OTUD7A: variants seen among roughly 807,000 people sequenced by gnomAD.
The protein encoded by OTUD7A is OTU domain-containing protein 7A.
A neutral mutation model predicts 65.7 loss-of-function variants in OTUD7A; 12 were observed. That is an observed-to-expected ratio of 0.18 (90% CI 0.12 to 0.30). The LOEUF (loss-of-function observed/expected upper bound fraction) is 0.30, where lower values mean the gene tolerates loss of function less well. OTUD7A is among the 10% of genes least tolerant of loss of function. The probability of loss-of-function intolerance (pLI) is 1.00; values close to 1 mark genes in which losing one functional copy is unlikely to be tolerated. For missense variants in OTUD7A, 1,148 were observed against 1,304.8 expected (o/e 0.88, Z 1.85); for synonymous variants, 641 against 586.3 (o/e 1.09, Z -1.35).
At chr15:31,798,139 C>T (rs941286264) in intron 1 of OTUD7A, among the ~76,000 whole-genome samples, 17 of 152,028 alleles carry the variant, frequency 1.1e-4, no homozygotes, top group African/African-American at 2.9e-4. Context: ...CTTTAAAGAC[C>T]ATATCTCCAA....
chr15:31,496,974 C>G (rs537357300), intron 10 of OTUD7A, among the ~76,000 whole-genome samples: 33 of 152,288 alleles, frequency 2.2e-4, no homozygotes, highest in Admixed American at 1.6e-3. Context: ...GATGGCCAAC[C>G]TTGGTGTGAT....
At chr15:31,836,494 A>G (rs1897057850) in intron 1 of OTUD7A, among the ~76,000 whole-genome samples, 1 of 152,220 alleles carries the variant, frequency 6.6e-6, no homozygotes, top group Non-Finnish European at 1.5e-5. Flanking sequence ...GCTAAGGATA[A>G]TATTTTCCCA....
intron 1 of OTUD7A, among the ~76,000 whole-genome samples, chr15:31,832,421 A>G (rs1380768961): frequency 4.6e-5 from 7 of 151,694 alleles, no homozygotes; most frequent in African/African-American, 1.7e-4. Flanking sequence ...AGACAGACAC[A>G]AATCATTGAT....
chr15:31,698,600 G>A (rs376144903), intron 1 of OTUD7A, among the ~76,000 whole-genome samples: 37 of 151,594 alleles, frequency 2.4e-4, no homozygotes, highest in East Asian at 1.4e-3. Context: ...AAAGGCTACC[G>A]AGGCCTGGGC....
At chr15:31,506,804 C>G (rs2041577706) in intron 8 of OTUD7A, among the ~76,000 whole-genome samples, 1 of 152,094 alleles carries the variant, frequency 6.6e-6, no homozygotes, top group Non-Finnish European at 1.5e-5. Context: ...AGGGGCTGAC[C>G]CGCACAGTGT....
At chr15:31,791,828 C>G (rs1895824036) in intron 1 of OTUD7A, among the ~76,000 whole-genome samples, 1 of 152,118 alleles carries the variant, frequency 6.6e-6, no homozygotes, top group Non-Finnish European at 1.5e-5. Flanking sequence ...CTCCTCAGAC[C>G]CTGTTGACAA....
intron 3 of OTUD7A, among the ~76,000 whole-genome samples, chr15:31,594,062 A>G (rs544005508): frequency 1.5e-4 from 23 of 152,356 alleles, no homozygotes; most frequent in African/African-American, 5.5e-4. Context: ...TAACCTTAAA[A>G]TGGTTCTTAA....
At chr15:31,616,464 T>C (rs1271486385) in intron 3 of OTUD7A, among the ~76,000 whole-genome samples, 1 of 152,216 alleles carries the variant, frequency 6.6e-6, no homozygotes. Context: ...AGTTGGGGGT[T>C]TGCAAATTAT....
At chr15:31,615,472 TAAAG>T (rs1469455944) in intron 3 of OTUD7A, among the ~76,000 whole-genome samples, 1 of 151,776 alleles carries the variant, frequency 6.6e-6, no homozygotes, top group East Asian at 1.9e-4. Flanking sequence ...CGACAGAAAA[TAAAG>T]AGAAATATAC....
chr15:31,725,915 T>C (rs1415130346), intron 1 of OTUD7A, among the ~76,000 whole-genome samples: 4 of 152,140 alleles, frequency 2.6e-5, no homozygotes, highest in Admixed American at 1.3e-4. Flanking sequence ...GCTGCCGAGA[T>C]CTGGGGGCTA....
chr15:31,742,075 AC>A (rs1394396512), intron 1 of OTUD7A, among the ~76,000 whole-genome samples: 1 of 152,084 alleles, frequency 6.6e-6, no homozygotes, highest in Non-Finnish European at 1.5e-5. Context: ...ACAGATACAT[AC>A]TTTTGTTTTT....
chr15:31,654,973 T>C, intron 3 of OTUD7A, 123 bp downstream of exon 3: 1 of 1,198,550 alleles, frequency 8.3e-7, no homozygotes, highest in Non-Finnish European at 1.1e-6. Context: ...ATCGGTAAGA[T>C]GTAACACAAA....
At chr15:31,818,575 C>G (rs1285643799) in intron 1 of OTUD7A, among the ~76,000 whole-genome samples, 1 of 152,166 alleles carries the variant, frequency 6.6e-6, no homozygotes, top group Admixed American at 6.5e-5. Flanking sequence ...GGTGATGTGC[C>G]TCTTCCAGGT....
intron 1 of OTUD7A, among the ~76,000 whole-genome samples, chr15:31,720,869 G>T (rs1893718518): frequency 6.6e-6 from 1 of 150,916 alleles, no homozygotes; most frequent in Admixed American, 6.6e-5. Flanking sequence ...CTCCATCCAT[G>T]GTAAGTGCCC....
chr15:31,869,878 A>T (rs988930394), intron 1 of OTUD7A, among the ~76,000 whole-genome samples: 1 of 152,102 alleles, frequency 6.6e-6, no homozygotes, highest in Non-Finnish European at 1.5e-5. Flanking sequence ...CGCAGATGCA[A>T]TTTTTTCCCC....
intron 8 of OTUD7A, among the ~76,000 whole-genome samples, chr15:31,510,551 A>G (rs1482448507): frequency 1.5e-5 from 2 of 129,610 alleles, no homozygotes; most frequent in African/African-American, 5.6e-5. Flanking sequence ...GTATATCTAT[A>G]TGTAACATAC....
At chr15:31,813,643 C>T (rs1321445237) in intron 1 of OTUD7A, among the ~76,000 whole-genome samples, 1 of 152,156 alleles carries the variant, frequency 6.6e-6, no homozygotes, top group Non-Finnish European at 1.5e-5. Context: ...GGACATTGTG[C>T]ATCTTTAAGA....
At chr15:31,589,306 T>A (rs1419915507) in intron 3 of OTUD7A, among the ~76,000 whole-genome samples, 2 of 149,598 alleles carry the variant, frequency 1.3e-5, no homozygotes, top group Non-Finnish European at 3.0e-5. Context: ...TTTCTGGGTT[T>A]TTTTTTTTTT....
chr15:31,831,335 T>C (rs1174823900), intron 1 of OTUD7A, among the ~76,000 whole-genome samples: 1 of 152,154 alleles, frequency 6.6e-6, no homozygotes, highest in African/African-American at 2.4e-5. Context: ...CCCAAAAAAC[T>C]AGCTGCAAGT....
Sources: gnomAD v4.1 joint callset for allele counts (sites outside exome capture counted in the v4.1 genomes callset) on GRCh38, gnomAD v4.1.1 for gene constraint, MANE v1.5 for transcripts, NCBI Gene and HGNC (gene_info 2026-07-23, HGNC 2026-07-21) for gene names.